THSD7B: variants seen among roughly 807,000 people sequenced by gnomAD.
THSD7B encodes the protein thrombospondin type-1 domain-containing protein 7B.
In THSD7B, 138 loss-of-function variants were observed where a neutral mutation model predicts 213.6. The observed-to-expected ratio is 0.65, with a 90% CI of 0.56 to 0.74. The LOEUF (loss-of-function observed/expected upper bound fraction) is 0.74, where lower values mean the gene tolerates loss of function less well. THSD7B is among the 30% of genes least tolerant of loss of function. The pLI is 0.00. For missense variants in THSD7B, 1,931 were observed against 1,991.5 expected, an observed-to-expected ratio of 0.97 and a Z score of 0.58; for synonymous variants, 742 against 687.0, an observed-to-expected ratio of 1.08 and a Z score of -1.25.
intron 12 of THSD7B, among the ~76,000 whole-genome samples, chr2:137,385,648 T>A (rs1029667746): frequency 1.4e-5 from 2 of 143,148 alleles, no homozygotes; most frequent in Non-Finnish European, 2.9e-5. Context: ...AATTTGTGAC[T>A]TGAGCATTGG....
chr2:137,503,621 C>G (rs1019712936), intron 15 of THSD7B, among the ~76,000 whole-genome samples: 1 of 152,172 alleles, frequency 6.6e-6, no homozygotes, highest in Non-Finnish European at 1.5e-5. Context: ...CTTTTACATT[C>G]CAGATTACCT....
intron 12 of THSD7B, among the ~76,000 whole-genome samples, chr2:137,386,586 A>G (rs1166117936): frequency 6.6e-6 from 1 of 152,220 alleles, no homozygotes; most frequent in Non-Finnish European, 1.5e-5. Context: ...AATCAACTTC[A>G]GGAAAGTAAT....
intron 15 of THSD7B, chr2:137,538,611 T>C: frequency 4.6e-6 from 2 of 432,310 alleles, no homozygotes; most frequent in Non-Finnish European, 9.0e-6. Context: ...AAAACATTGT[T>C]CACATATGAC....
chr2:137,242,428 G>A (rs1236680871), intron 9 of THSD7B, 29 bp from the exon 10 acceptor site: 4 of 1,546,262 alleles, frequency 2.6e-6, no homozygotes, highest in Non-Finnish European at 3.6e-6. Flanking sequence ...TCTCAAAAAG[G>A]CATTGACATG....
intron 20 of THSD7B, 92 bp downstream of exon 20, chr2:137,620,818 A>G (rs1448922): frequency 0.28 from 301,373 of 1,080,016 alleles, 44,590 homozygotes; most frequent in African/African-American, 0.44. Flanking sequence ...AAGGTATGGG[A>G]CCCAGCTGAA....
chr2:137,216,279 C>T (rs1681241126), intron 7 of THSD7B, among the ~76,000 whole-genome samples: 2 of 6,550 alleles, frequency 3.1e-4, no homozygotes, highest in South Asian at 0.024. Flanking sequence ...CCCCCGCCCC[C>T]CACCCCCCTG....
At chr2:137,289,948 C>A (rs1683285657) in intron 12 of THSD7B, among the ~76,000 whole-genome samples, 1 of 151,834 alleles carries the variant, frequency 6.6e-6, no homozygotes, top group South Asian at 2.1e-4. Flanking sequence ...TTCTTCTAAA[C>A]TCCAGGCGAA....
chr2:137,172,266 G>T (rs144253307), intron 7 of THSD7B, among the ~76,000 whole-genome samples: 46 of 152,284 alleles, frequency 3.0e-4, no homozygotes, highest in African/African-American at 1.1e-3. Flanking sequence ...TTTCCTGAGT[G>T]CAAGGCCTGC....
intron 12 of THSD7B, among the ~76,000 whole-genome samples, chr2:137,349,808 A>AAAG (rs77803424): frequency 0.023 from 3,529 of 151,930 alleles, 122 homozygotes; most frequent in East Asian, 0.14. Flanking sequence ...ATAATATGCT[A>AAAG]AAGTCATAAC....
chr2:136,911,879 A>G (rs987577681), intron 2 of THSD7B, among the ~76,000 whole-genome samples: 2 of 152,168 alleles, frequency 1.3e-5, no homozygotes, highest in Non-Finnish European at 2.9e-5. Context: ...CTTCCTTTCC[A>G]TCTACTCCAT....
intron 2 of THSD7B, among the ~76,000 whole-genome samples, chr2:136,969,860 G>A (rs372284336): frequency 6.6e-6 from 1 of 152,150 alleles, no homozygotes; most frequent in East Asian, 1.9e-4. Context: ...TGTTCAATGT[G>A]TAATATAATT....
In THSD7B at chr2:136,932,371, G is replaced by A. The variant is rs146753576; in HGVS notation, c.139+50054G>A. Among the ~76,000 whole-genome samples the A allele has an allele frequency of 4.1e-4, 63 of 152,296 alleles. No homozygotes were observed. In the East Asian group the frequency reaches 0.011, roughly 27 times the overall value. On this transcript the variant is annotated intron_variant, in intron 2 of 27. Transcript: ENST00000409968. Reference sequence around the variant, plus strand: ...TATTTGAGTCATGGCAGGAAGATATGGAAACAGTGAAAATACAGTTCACCC... The same window carrying A: ...TATTTGAGTCATGGCAGGAAGATATAGAAACAGTGAAAATACAGTTCACCC...
intron 11 of THSD7B, among the ~76,000 whole-genome samples, chr2:137,272,877 C>T (rs12622953): frequency 0.031 from 4,640 of 151,994 alleles, 132 homozygotes; most frequent in Middle Eastern, 0.095. Context: ...AAAGGAAGCA[C>T]GTTTGACTGT....
chr2:137,246,078 A>G lies in THSD7B; in HGVS notation c.2266+3506A>G, dbSNP rs75551789. ...TTAAAGTGAGAAGCATGGACCAGGG[A>G]CAGACTAGCAGGTGGGGACAGGGTG... On this transcript the variant is annotated intron_variant, in intron 10 of 27. Transcript: ENST00000409968. Among the ~76,000 whole-genome samples, 158 of 152,300 alleles carry G rather than the reference A, an allele frequency of 1.0e-3. 4 individuals carry two copies. In the East Asian group the frequency reaches 0.026, roughly 25 times the overall value.
At chr2:137,023,238 C>T (rs574852695) in intron 2 of THSD7B, among the ~76,000 whole-genome samples, 3 of 152,132 alleles carry the variant, frequency 2.0e-5, no homozygotes, top group African/African-American at 4.8e-5. Flanking sequence ...TGAGAAGGAG[C>T]AGAGTTGTTT....
At chr2:137,616,765 C>T (rs993612329) in intron 18 of THSD7B, among the ~76,000 whole-genome samples, 10 of 152,090 alleles carry the variant, frequency 6.6e-5, no homozygotes, top group Admixed American at 5.9e-4. Flanking sequence ...ACTGACTGGT[C>T]AGGGATGTTT....
intron 15 of THSD7B, among the ~76,000 whole-genome samples, chr2:137,459,592 G>A (rs1687841901): frequency 1.3e-5 from 2 of 151,986 alleles, no homozygotes; most frequent in South Asian, 4.2e-4. Flanking sequence ...TTGAACCCAG[G>A]AAGTGGAGGT....
chr2:137,456,884 A>G (rs1353430385), intron 15 of THSD7B, among the ~76,000 whole-genome samples: 1 of 152,178 alleles, frequency 6.6e-6, no homozygotes, highest in Non-Finnish European at 1.5e-5. Context: ...CATACACCCT[A>G]TCTTGGAGGT....
intron 5 of THSD7B, among the ~76,000 whole-genome samples, chr2:137,137,724 G>C (rs898415327): frequency 6.6e-6 from 1 of 152,056 alleles, no homozygotes; most frequent in Non-Finnish European, 1.5e-5. Flanking sequence ...ATGGTTAAGT[G>C]ACACATGACT....
Sources: allele counts gnomAD v4.1 joint callset (sites outside exome capture counted in the v4.1 genomes callset), GRCh38; gene constraint gnomAD v4.1.1; transcripts MANE v1.5; gene names NCBI Gene and HGNC (gene_info 2026-07-23, HGNC 2026-07-21).